Variants in ERCC6L observed in about 807,000 individuals in gnomAD.
ERCC6L encodes the protein DNA excision repair protein ERCC-6-like.
Under a neutral mutation model 20.1 loss-of-function variants are expected in ERCC6L, and 7 were observed. That is an observed-to-expected ratio of 0.35 (90% CI 0.20 to 0.65). ERCC6L has a LOEUF of 0.65. Ranked by LOEUF, ERCC6L falls within the 30% of genes least tolerant of loss-of-function variation. The probability of loss-of-function intolerance (pLI) is 0.69; values close to 1 mark genes in which losing one functional copy is unlikely to be tolerated. For synonymous variants in ERCC6L, 278 were observed against 331.3 expected, an observed-to-expected ratio of 0.84 and a Z score of 1.75; for missense variants, 592 against 892.4, an observed-to-expected ratio of 0.66 and a Z score of 4.29.
chrX:72,212,861 TG>T (rs1456303301), intron 1 of ERCC6L, among the ~76,000 whole-genome samples: 1 of 111,243 alleles, frequency 9.0e-6, no homozygotes, highest in Non-Finnish European at 1.9e-5. Context: ...AGGGATGGCT[TG>T]AGCCTGGGAG....
intron 1 of ERCC6L, among the ~76,000 whole-genome samples, chrX:72,214,804 T>C (rs2042878578): frequency 9.0e-6 from 1 of 111,361 alleles, no homozygotes; most frequent in South Asian, 3.7e-4. Flanking sequence ...CCTGCCATCA[T>C]GGTGGAACAC....
chrX:72,212,801 C>T (rs1028376162), intron 1 of ERCC6L, among the ~76,000 whole-genome samples: 1 of 111,049 alleles, frequency 9.0e-6, no homozygotes, highest in Non-Finnish European at 1.9e-5. Context: ...AAAAATTAGC[C>T]GGGTTTGGTG....
At chrX:72,217,997 G>A (rs770256270) in intron 1 of ERCC6L, among the ~76,000 whole-genome samples, 7 of 111,391 alleles carry the variant, frequency 6.3e-5, no homozygotes, top group Non-Finnish European at 1.1e-4. Flanking sequence ...GGGGCCGGGC[G>A]CGGTGGCTCA....
intron 1 of ERCC6L, among the ~76,000 whole-genome samples, chrX:72,236,278 A>G (rs1408997566): frequency 9.0e-6 from 1 of 111,316 alleles, no homozygotes; most frequent in African/African-American, 3.3e-5. Flanking sequence ...ACACAGTGAG[A>G]CTTCATCTCT....
intron 1 of ERCC6L, among the ~76,000 whole-genome samples, chrX:72,237,386 C>T (rs1369561393): frequency 1.8e-5 from 2 of 110,327 alleles, no homozygotes; most frequent in Non-Finnish European, 3.8e-5. Flanking sequence ...ATCACGAGGT[C>T]AGGAGATTGA....
rs141564879 is a variant in ERCC6L, at chrX:72,228,624, C to T, written c.68+10220G>A. Among the ~76,000 whole-genome samples the T allele has an allele frequency of 7.4e-3, 831 of 111,905 alleles. 3 individuals are homozygous for T. The highest frequency in any genetic ancestry group is 0.032 in the Middle Eastern group (7 of 217). On this transcript the variant is annotated intron_variant, in intron 1 of 1. Transcript: ENST00000334463. ...AATCAACCTTGTTACAGTCCTTCAG[C>T]GGTACCCTTACGAAACTCCCATTAT...
chrX:72,222,337 T>C (rs1469802180), intron 1 of ERCC6L, among the ~76,000 whole-genome samples: 2 of 111,595 alleles, frequency 1.8e-5, no homozygotes, highest in African/African-American at 3.3e-5. Flanking sequence ...TCACTCCTGA[T>C]GAAAAGGAGA....
At position 72,207,844 on chromosome X, in the gene ERCC6L, G is replaced by A. The variant is rs1240641997; in HGVS notation, c.923C>T (p.Ala308Val). 4 of 1,206,854 alleles carry A rather than the reference G, an allele frequency of 3.3e-6. No individual in the cohort carries two copies. Among genetic ancestry groups the A allele is most frequent in the South Asian group, 3.6e-5 (2 of 55,605 alleles). Residue 308 changes from alanine to valine, a missense_variant, in exon 2 of 2, where the codon GCC becomes GTC. Coordinates refer to ENST00000334463, the MANE Select transcript of ERCC6L (RefSeq NM_017669.4). Reference sequence around the variant, plus strand: ...GTTTTCAGATATTTTAAATCCCAAGGCTTTTTCTCCTGGGGTAGCATCCTT... The same window carrying A: ...GTTTTCAGATATTTTAAATCCCAAGACTTTTTCTCCTGGGGTAGCATCCTT... The part of the protein sequence containing the change: ...REKDATPGEK[A>V]LGFKISENLM...
At chrX:72,217,555 AAATTG>A (rs973579410) in intron 1 of ERCC6L, among the ~76,000 whole-genome samples, 1 of 111,746 alleles carries the variant, frequency 8.9e-6, no homozygotes, top group Admixed American at 9.5e-5. Context: ...GGCCACCATT[AAATTG>A]AATATTCATG....
chrX:72,206,509 T>C lies in ERCC6L; in HGVS notation c.2258A>G (p.Gln753Arg), dbSNP rs369492714. Residue 753 changes from glutamine (Q) to arginine (R), a missense_variant, in exon 2 of 2, where the codon CAG becomes CGG. Transcript: ENST00000334463. ...KCPKLNKPQP[Q>R]PSPLLSTHHT... The stretch of plus-strand genomic sequence containing the variant: ...ATGAGTACTTAGAAGAGGTGAAGGC[T>C]GAGGCTGTGGTTTATTCAATTTAGG... The C allele has an allele frequency of 7.1e-5, 86 of 1,209,872 alleles. No individual in the cohort carries two copies. Among genetic ancestry groups the C allele is most frequent in the Non-Finnish European group, 8.7e-5 (78 of 895,285 alleles).
intron 1 of ERCC6L, among the ~76,000 whole-genome samples, chrX:72,238,509 C>T (rs1265350975): frequency 8.9e-6 from 1 of 111,998 alleles, no homozygotes; most frequent in Non-Finnish European, 1.9e-5. Context: ...GGGCGGGGAC[C>T]TTGTTTTACT....
intron 1 of ERCC6L, among the ~76,000 whole-genome samples, chrX:72,217,483 C>T (rs766011373): frequency 3.7e-4 from 41 of 111,860 alleles, no homozygotes; most frequent in Non-Finnish European, 5.4e-4. Flanking sequence ...AAATAGAGTA[C>T]GGAGCTGACA....
intron 1 of ERCC6L, among the ~76,000 whole-genome samples, chrX:72,226,466 G>A (rs1460388816): frequency 8.9e-6 from 1 of 112,121 alleles, no homozygotes; most frequent in African/African-American, 3.2e-5. Context: ...CATATACACC[G>A]ATTCTAAATA....
intron 1 of ERCC6L, among the ~76,000 whole-genome samples, chrX:72,221,181 TTCTC>T (rs1490440942): frequency 8.9e-6 from 1 of 111,875 alleles, no homozygotes; most frequent in Non-Finnish European, 1.9e-5. Flanking sequence ...TCCTCCTCCC[TTCTC>T]TCTTTCTCTC....
chrX:72,211,769 G>A (rs1166923157), intron 1 of ERCC6L, among the ~76,000 whole-genome samples: 1 of 108,893 alleles, frequency 9.2e-6, no homozygotes, highest in Non-Finnish European at 1.9e-5. Context: ...GGGTGACAGA[G>A]CAAGACCCGT....
chrX:72,220,869 T>C lies in ERCC6L; in HGVS notation c.69-12171A>G, dbSNP rs144140267. Among the ~76,000 whole-genome samples the C allele has an allele frequency of 5.5e-3, 621 of 112,055 alleles. 4 individuals are homozygous for C. The highest frequency in any genetic ancestry group is 0.02 in the African/African-American group (602 of 30,857). ...CAAGCATTTGTGTTTCTTTTCTCTT[T>C]CTTTAACTCTTATATTTGGTGCCGA... is the stretch of plus-strand genomic sequence containing the variant. On this transcript the variant is annotated intron_variant, in intron 1 of 1. Transcript: ENST00000334463.
At position 72,205,994 on chromosome X, in the gene ERCC6L, G is replaced by A. The variant is rs1258157181; in HGVS notation, c.2773C>T (p.His925Tyr). The change falls in exon 2 of 2, where the codon CAT becomes TAT. Residue 925 changes from histidine to tyrosine, a missense_variant. Transcript: ENST00000334463. ...IEIADDLSAS[H>Y]SALQDAQASE... ...GCTTGAGCATCCTGCAGTGCACTAT[G>A]GGATGCTGAAAGGTCATCAGCTATT... 10 of 1,209,861 alleles carry A rather than the reference G, an allele frequency of 8.3e-6. No individual in the cohort carries two copies. Among genetic ancestry groups the A allele is most frequent in the Non-Finnish European group, 4.5e-6 (4 of 894,933 alleles).
At position 72,207,596 on chromosome X, in the gene ERCC6L, T is replaced by G; in HGVS notation, c.1171A>C (p.Lys391Gln). 10 of 1,211,545 alleles carry G rather than the reference T, an allele frequency of 8.3e-6. No homozygotes were observed. The highest frequency in any genetic ancestry group is 1.1e-5 in the Non-Finnish European group (10 of 895,433). Residue 391 changes from lysine (K) to glutamine (Q), a missense_variant, in exon 2 of 2, where the codon AAG (lysine) becomes CAG (glutamine). Lys to Gln is a moderately conservative substitution (Grantham distance 53). Around this residue, in one of 3 missense-constraint regions of ERCC6L, gnomAD observed 196 missense variants for 440.1 expected, o/e 0.45. Coordinates refer to ENST00000334463, the MANE Select transcript of ERCC6L (RefSeq NM_017669.4). Reference protein sequence around the residue: ...YRKFVSLDHIKELLMETRSPL... With the variant: ...YRKFVSLDHIQELLMETRSPL... Reference sequence around the variant, plus strand: ...GAGCGCGTCTCCATTAGCAACTCCTTGATATGATCTAAAGACACAAATTTC... The same window carrying G: ...GAGCGCGTCTCCATTAGCAACTCCTGGATATGATCTAAAGACACAAATTTC...
chrX:72,216,329 T>C (rs1211829213), intron 1 of ERCC6L, among the ~76,000 whole-genome samples: 1 of 111,252 alleles, frequency 9.0e-6, no homozygotes, highest in African/African-American at 3.3e-5. Flanking sequence ...AACAGATTAT[T>C]TCTCAGTCTC....
Sources: allele counts gnomAD v4.1 joint callset (sites outside exome capture counted in the v4.1 genomes callset), GRCh38; gene constraint gnomAD v4.1.1; regional missense constraint gnomAD v4.1.1; transcripts MANE v1.5; gene names NCBI Gene and HGNC (gene_info 2026-07-23, HGNC 2026-07-21).